Variants in GJC3 observed in about 807,000 individuals in gnomAD.
GJC3 encodes gap junction protein gamma 3, also known as gap junction gamma-3 protein.
In GJC3, 17 loss-of-function variants were observed where a neutral mutation model predicts 19.8. The observed-to-expected ratio is 0.86, with a 90% CI of 0.59 to 1.29. GJC3 has a LOEUF of 1.29. Among genes scored for constraint, GJC3 ranks in the 50% most tolerant of loss-of-function variants. GJC3 has a pLI of 0.00. For missense variants in GJC3, 317 were observed against 332.5 expected (o/e 0.95, Z 0.36); for synonymous variants, 140 against 136.5 (o/e 1.03, Z -0.18).
rs748905281 is a variant in GJC3 at position 99,929,040 on chromosome 7, G to A, written c.581C>T (p.Thr194Ile). Reference sequence around the variant, plus strand: ...ACAGAAACCGCTGACTCCAAACATGGTCTTTAGGAAAATGGTCTTCTCAGA... The same window carrying A: ...ACAGAAACCGCTGACTCCAAACATGATCTTTAGGAAAATGGTCTTCTCAGA... ...RPSEKTIFLK[T>I]MFGVSGFCLL... is the part of the protein sequence containing the mutation. Residue 194 changes from threonine (T) to isoleucine (I), a missense_variant, in exon 1 of 2, where the codon ACC (threonine) becomes ATC (isoleucine). Coordinates refer to ENST00000312891, the MANE Select transcript of GJC3 (RefSeq NM_181538.3). The A allele has an allele frequency of 1.9e-6, 3 of 1,614,160 alleles. No homozygotes were observed. The Admixed American group carries it at 5.0e-5, about 27-fold the overall frequency.
At chr7:99,929,772 G>T, upstream of GJC3, 1 of 699,734 alleles carries the variant, frequency 1.4e-6, no homozygotes, top group Non-Finnish European at 2.5e-6. Context: ...CCAAGACTCT[G>T]ATTGCACCTC....
upstream of GJC3, among the ~76,000 whole-genome samples, chr7:99,930,177 C>T (rs1458884814): frequency 6.6e-6 from 1 of 152,134 alleles, no homozygotes; most frequent in East Asian, 1.9e-4. Context: ...TCCTCTTCTC[C>T]CATCACAGTG....
chr7:99,929,577 C>T lies in GJC3; in HGVS notation c.44G>A (p.Arg15Gln), dbSNP rs925211995. The T allele has an allele frequency of 1.2e-6, 2 of 1,610,992 alleles. No individual in the cohort carries two copies. Among genetic ancestry groups the T allele is most frequent in the East Asian group, 2.2e-5 (1 of 44,842 alleles). ...FLRRLLAEES[R>Q]RSTPVGRLLL... The stretch of plus-strand genomic sequence containing the variant: ...GAGGCGCCCCACGGGGGTGGAGCGC[C>T]GGCTCTCCTCCGCCAGCAGCCGCCG... Residue 15 changes from arginine to glutamine, a missense_variant, in exon 1 of 2, where the codon CGG becomes CAG. Coordinates refer to ENST00000312891, the MANE Select transcript of GJC3 (RefSeq NM_181538.3).
intron 1 of GJC3, among the ~76,000 whole-genome samples, chr7:99,927,661 A>G (rs1446126742): frequency 1.3e-5 from 2 of 152,116 alleles, no homozygotes; most frequent in Admixed American, 6.6e-5. Flanking sequence ...GGATAGAACA[A>G]CACTGTCCAA....
chr7:99,929,437 C>A lies in GJC3; in HGVS notation c.184G>T (p.Ala62Ser). 6.2e-7 allele frequency: 1 copy of A among 1,613,804 alleles called. No homozygotes were observed. Among genetic ancestry groups the A allele is most frequent in the Non-Finnish European group, 8.5e-7 (1 of 1,179,704 alleles). Residue 62 changes from alanine to serine, a missense_variant, in exon 1 of 2, where the codon GCT (alanine) becomes TCT (serine). Coordinates refer to ENST00000312891, the MANE Select transcript of GJC3 (RefSeq NM_181538.3). ...GGGTGGAAGGCATCGAAGCAGGCAG[C>A]CTTGCAGCCCGGCTGCTGGGTGTGA... ...VCHTQQPGCKAACFDAFHPLS... is the reference protein window; with the variant it reads ...VCHTQQPGCKSACFDAFHPLS...
chr7:99,926,554 T>C (rs1819803615), intron 1 of GJC3, among the ~76,000 whole-genome samples: 2 of 152,232 alleles, frequency 1.3e-5, no homozygotes, highest in African/African-American at 4.8e-5. Flanking sequence ...CCTCAAGTTA[T>C]GCTCAGTGAA....
At position 99,926,459 on chromosome 7, in the gene GJC3, A is replaced by G. The variant is rs117808404; in HGVS notation, c.781+2381T>C. 6.6e-5 allele frequency among the ~76,000 whole-genome samples: 10 copies of G among 152,340 alleles called. No homozygotes were observed. The East Asian group carries it at 1.9e-3, about 29-fold the overall frequency. On this transcript the variant is annotated intron_variant, in intron 1 of 1. Coordinates refer to ENST00000312891, the MANE Select transcript of GJC3 (RefSeq NM_181538.3). ...TAAACAAAATGTGGTATCTCCTTAA[A>G]CAAAATGTGGTATATCCTAACAGTG...
At chr7:99,924,810 C>T (rs1368292516) in intron 1 of GJC3, among the ~76,000 whole-genome samples, 1 of 152,106 alleles carries the variant, frequency 6.6e-6, no homozygotes, top group African/African-American at 2.4e-5. Context: ...ATCTGTGTCC[C>T]TTTGACAAAC....
rs1819859849 is a variant in GJC3 at position 99,929,322 on chromosome 7, A to G, written c.299T>C (p.Ile100Thr). The G allele has an allele frequency of 6.2e-7, 1 of 1,614,052 alleles. No homozygotes were observed. Among genetic ancestry groups the G allele is most frequent in the Non-Finnish European group, 8.5e-7 (1 of 1,180,042 alleles). The change falls in exon 1 of 2, where the codon ATC becomes ACC. Residue 100 changes from isoleucine to threonine, a missense_variant. By Grantham distance (89) the Ile-to-Thr change is moderately conservative. Transcript: ENST00000312891. ...LYMGFTLYHVIWHWELSGKGK... is the reference protein window; with the variant it reads ...LYMGFTLYHVTWHWELSGKGK... ...CTTTCCTGATAATTCCCAGTGCCAG[A>G]TCACGTGATACAGAGTGAAACCCAT...
chr7:99,929,829 T>C (rs1819871506), upstream of GJC3: 1 of 614,766 alleles, frequency 1.6e-6, no homozygotes, highest in Non-Finnish European at 2.9e-6. Context: ...ACAGTGAGTG[T>C]GTGTGGTGTG....
intron 1 of GJC3, among the ~76,000 whole-genome samples, 159 bp from the exon 2 acceptor site, chr7:99,923,762 G>A (rs547013173): frequency 2.9e-4 from 44 of 152,264 alleles, no homozygotes; most frequent in African/African-American, 1.0e-3. Context: ...AACTGACATT[G>A]GAACCACAAC....
intron 1 of GJC3, 84 bp from the exon 2 acceptor site, chr7:99,923,687 G>A (rs1819730349): frequency 2.7e-6 from 2 of 739,428 alleles, no homozygotes; most frequent in Admixed American, 3.8e-5. Flanking sequence ...AGGACCCTGG[G>A]TTACACTTTA....
In GJC3 at chr7:99,923,600, G is replaced by T; in HGVS notation, c.785C>A (p.Pro262Gln). Reference protein sequence around the residue: ...ETKEQFQEAVPGRSLAQEKQR... With the variant: ...ETKEQFQEAVQGRSLAQEKQR... ...TTTTTCCTGGGCTAAGCTTCTTCCT[G>T]GAACTTTTTAAAACAAAAATTCAAG... is the stretch of plus-strand genomic sequence containing the variant. The change falls in exon 2 of 2, where the codon CCA (proline) becomes CAA (glutamine). Residue 262 changes from proline (P) to glutamine (Q), a missense_variant. Physicochemically the swap from Pro to Gln is moderately conservative, Grantham distance 76. Coordinates refer to ENST00000312891, the MANE Select transcript of GJC3 (RefSeq NM_181538.3). The T allele has an allele frequency of 1.3e-6, 1 of 780,988 alleles. No homozygotes were observed. Among genetic ancestry groups the T allele is most frequent in the Non-Finnish European group, 2.4e-6 (1 of 418,108 alleles). 48.4% of individuals were successfully genotyped at this position (780,988 alleles called of 1,614,324 possible). A position where few individuals can be genotyped will look rare whatever the true frequency, so the allele number is the denominator to read the frequency against.
chr7:99,929,640 C>G, upstream of GJC3: 1 of 1,588,904 alleles, frequency 6.3e-7, no homozygotes, highest in Non-Finnish European at 8.5e-7. Context: ...GAGCAGAGGA[C>G]AAGAGATCAG....
intron 1 of GJC3, among the ~76,000 whole-genome samples, chr7:99,928,030 A>G (rs1819836271): frequency 6.6e-6 from 1 of 152,272 alleles, no homozygotes; most frequent in Non-Finnish European, 1.5e-5. Flanking sequence ...TATAGATATT[A>G]GAGGACACTG....
rs115824558 is a variant in GJC3 at position 99,926,812 on chromosome 7, A to G, written c.781+2028T>C. Among the ~76,000 whole-genome samples the G allele has an allele frequency of 1.0e-2, 1,522 of 152,334 alleles. 20 individuals carry two copies. Among genetic ancestry groups the G allele is most frequent in the African/African-American group, 0.03 (1,252 of 41,566 alleles). On this transcript the variant is annotated intron_variant, in intron 1 of 1. Transcript: ENST00000312891. ...TATACTTTTGTCACTGGTAGAGGAT[A>G]GTGACTGCAAGTTGTCCAGGTTCTT...
intron 1 of GJC3, among the ~76,000 whole-genome samples, chr7:99,925,291 T>TA (rs1287255207): frequency 1.3e-5 from 2 of 152,114 alleles, no homozygotes; most frequent in Admixed American, 6.5e-5. Context: ...CCCATTTAAA[T>TA]AAAAAAAGTT....
intron 1 of GJC3, among the ~76,000 whole-genome samples, chr7:99,926,672 T>G (rs145128008): frequency 6.6e-6 from 1 of 152,198 alleles, no homozygotes; most frequent in African/African-American, 2.4e-5. Context: ...TGGGTGCTAA[T>G]AAGAGTTTGA....
At position 99,928,002 on chromosome 7, in the gene GJC3, C is replaced by T. The variant is rs555467722; in HGVS notation, c.781+838G>A. ...CAGTAATTTTCCTTAAGGATATGGCCGGGTATTTGGATAAATCTATAGATA... is the reference window on the plus strand; with the variant it reads ...CAGTAATTTTCCTTAAGGATATGGCTGGGTATTTGGATAAATCTATAGATA... On this transcript the variant is annotated intron_variant, in intron 1 of 1. Transcript: ENST00000312891. Among the ~76,000 whole-genome samples the T allele has an allele frequency of 2.6e-5, 4 of 152,212 alleles. No individual in the cohort carries two copies. The South Asian group carries it at 8.3e-4, about 32-fold the overall frequency.
Sources: allele counts gnomAD v4.1 joint callset (sites outside exome capture counted in the v4.1 genomes callset), GRCh38; gene constraint gnomAD v4.1.1; transcripts MANE v1.5; gene names NCBI Gene and HGNC (gene_info 2026-07-23, HGNC 2026-07-21).